Variants in FGL1 observed in about 807,000 individuals in gnomAD.
FGL1 encodes fibrinogen-like protein 1.
FGL1 carries 59 observed loss-of-function variants against 43.7 expected under a neutral mutation model. The ratio of observed to expected loss-of-function variants is 1.35; its 90% CI spans 1.10 to 1.68. FGL1 has a LOEUF of 1.68. Ranked by LOEUF, FGL1 falls within the 40% of genes most tolerant of loss-of-function variation. The pLI, the probability that FGL1 is intolerant of heterozygous loss-of-function variation, is 0.00. For synonymous variants in FGL1, 192 were observed against 126.5 expected (o/e 1.52, Z -3.48); for missense variants, 596 against 373.0 (o/e 1.60, Z -4.92).
At chr8:17,888,599 GTTTTCTTTTGT>G (rs2053662255) in intron 1 of FGL1, among the ~76,000 whole-genome samples, 1 of 152,046 alleles carries the variant, frequency 6.6e-6, no homozygotes, top group South Asian at 2.1e-4. Context: ...GTAGTTTCAT[GTTTTCTTTTGT>G]TTTTCTTTTT....
rs900927733 is a variant in FGL1, at chr8:17,894,358, A to G, written c.-18+1089T>C. Among the ~76,000 whole-genome samples the G allele has an allele frequency of 4.3e-4, 64 of 147,284 alleles. 10 individuals carry two copies. The highest frequency in any genetic ancestry group is 1.6e-3 in the African/African-American group (59 of 37,576). ...AAGTCAGTGAGTTAAAAATGTACCC[A>G]TAAACACAAGCTTAGAGACTCCTTT... On this transcript the variant is annotated intron_variant, in intron 1 of 7. Coordinates refer to ENST00000427924, the MANE Select transcript of FGL1 (RefSeq NM_004467.4).
intron 1 of FGL1, among the ~76,000 whole-genome samples, chr8:17,886,707 G>A (rs2053633516): frequency 6.6e-6 from 1 of 152,088 alleles, no homozygotes; most frequent in Non-Finnish European, 1.5e-5. Flanking sequence ...GCAGTGAGCC[G>A]AGATCGTGCC....
intron 2 of FGL1, among the ~76,000 whole-genome samples, chr8:17,883,118 A>ATATATATTG (rs2053569543): frequency 3.5e-5 from 1 of 28,302 alleles, no homozygotes; most frequent in Non-Finnish European, 6.9e-5. Flanking sequence ...AATATATATC[A>ATATATATTG]TATATAATAT....
In FGL1 at chr8:17,885,560, C is replaced by A; in HGVS notation, c.-6G>T. On this transcript the variant is annotated 5_prime_UTR_variant, in exon 2 of 8. Transcript: ENST00000427924. ...AAACTGAACACCTTTGCCATGTTCC[C>A]CCTTGAAAAAACTGCAAGAACAAAA... is the stretch of plus-strand genomic sequence containing the variant. The A allele has an allele frequency of 1.9e-6, 3 of 1,612,384 alleles. No homozygotes were observed. The highest frequency in any genetic ancestry group is 1.7e-6 in the Non-Finnish European group (2 of 1,179,224).
intron 3 of FGL1, among the ~76,000 whole-genome samples, chr8:17,880,380 C>A (rs1206709821): frequency 6.6e-6 from 1 of 152,220 alleles, no homozygotes; most frequent in South Asian, 2.1e-4. Flanking sequence ...TAGACTCTCA[C>A]AACTCCTATA....
rs531938353 is a variant in FGL1, at chr8:17,890,724, C to T, written c.-18+4723G>A. On this transcript the variant is annotated intron_variant, in intron 1 of 7. Transcript: ENST00000427924. ...CACAGTTTGCCATGACTGGGGAGGC[C>T]CCAGGAAACTTACAGTCGTGGTGGA... is the stretch of plus-strand genomic sequence containing the variant. 1.1e-3 allele frequency among the ~76,000 whole-genome samples: 166 copies of T among 152,142 alleles called. 1 individual carries two copies. The highest frequency in any genetic ancestry group is 1.7e-3 in the Non-Finnish European group (118 of 67,992).
chr8:17,874,118 TA>T lies in FGL1; in HGVS notation c.405-3del. 6.2e-7 allele frequency: 1 copy of T among 1,608,772 alleles called. No individual in the cohort carries two copies. On this transcript the variant is annotated splice_polypyrimidine_tract_variant and splice_region_variant and intron_variant, in intron 4 of 7. Transcript: ENST00000427924. Reference sequence around the variant, plus strand: ...CCATTTTCATAGTCTTTCCATCCTCTAAAAAAGGTAAAGTGGAAGCCGATTA... The same window carrying T: ...CCATTTTCATAGTCTTTCCATCCTCTAAAAAGGTAAAGTGGAAGCCGATTA...
At chr8:17,874,580 AG>A (rs2053417350) in intron 3 of FGL1, 59 bp from the exon 4 acceptor site, 2 of 1,397,994 alleles carry the variant, frequency 1.4e-6, no homozygotes, top group African/African-American at 2.9e-5. Context: ...CCCCCGCCTT[AG>A]GGAGCCTCTG....
chr8:17,870,581 C>G (rs1345023741), intron 5 of FGL1, among the ~76,000 whole-genome samples: 1 of 152,182 alleles, frequency 6.6e-6, no homozygotes, highest in Non-Finnish European at 1.5e-5. Context: ...GGCCTCTTCT[C>G]TCTTTCCATC....
At chr8:17,870,748 A>G (rs2053345872) in intron 5 of FGL1, among the ~76,000 whole-genome samples, 1 of 152,122 alleles carries the variant, frequency 6.6e-6, no homozygotes, top group South Asian at 2.1e-4. Flanking sequence ...TCTATTAAAA[A>G]TACAAAAATT....
At chr8:17,879,271 C>G (rs945447540) in intron 3 of FGL1, among the ~76,000 whole-genome samples, 11 of 151,880 alleles carry the variant, frequency 7.2e-5, no homozygotes, top group African/African-American at 2.2e-4. Context: ...CTGCTCTGAC[C>G]TTGGCATCGT....
intron 5 of FGL1, among the ~76,000 whole-genome samples, chr8:17,871,758 T>C (rs982573486): frequency 1.1e-4 from 16 of 152,200 alleles, no homozygotes; most frequent in South Asian, 2.1e-4. Flanking sequence ...TCTGGATTGA[T>C]GGGATACGTG....
intron 5 of FGL1, among the ~76,000 whole-genome samples, chr8:17,873,113 T>G (rs2053389954): frequency 6.6e-6 from 1 of 152,158 alleles, no homozygotes; most frequent in Admixed American, 6.5e-5. Flanking sequence ...TAGCACCAAT[T>G]GCCCAATTGT....
Position 17,870,260 on chromosome 8 carries a change from C to A in FGL1, c.503-1256G>T, listed in dbSNP as rs537522483. 2.6e-5 allele frequency among the ~76,000 whole-genome samples: 4 copies of A among 152,094 alleles called. No individual in the cohort carries two copies. The East Asian group carries it at 5.8e-4, about 22-fold the overall frequency. ...GTAAAAATTCTAGGCGATATAAGAG[C>A]ATTATGTTTTTAAAATGATTAAAAT... On this transcript the variant is annotated intron_variant, in intron 5 of 7. Coordinates refer to ENST00000427924, the MANE Select transcript of FGL1 (RefSeq NM_004467.4).
chr8:17,892,107 A>G (rs991227142), intron 1 of FGL1, among the ~76,000 whole-genome samples: 1 of 152,144 alleles, frequency 6.6e-6, no homozygotes, highest in East Asian at 1.9e-4. Flanking sequence ...TATAATAGCT[A>G]TGTTGCTTTT....
intron 7 of FGL1, among the ~76,000 whole-genome samples, chr8:17,867,454 C>T (rs985252529): frequency 5.9e-5 from 9 of 152,010 alleles, no homozygotes; most frequent in Non-Finnish European, 1.2e-4. Flanking sequence ...CTGTTTTTTC[C>T]TATAATATAC....
intron 1 of FGL1, among the ~76,000 whole-genome samples, chr8:17,886,394 A>G (rs969467893): frequency 1.3e-5 from 2 of 152,204 alleles, no homozygotes; most frequent in Non-Finnish European, 1.5e-5. Context: ...AAAGATGCGA[A>G]CTGACAAAGT....
At chr8:17,890,820 A>G (rs2053693724) in intron 1 of FGL1, among the ~76,000 whole-genome samples, 2 of 152,054 alleles carry the variant, frequency 1.3e-5, no homozygotes, top group Non-Finnish European at 2.9e-5. Context: ...CCCCTTATAA[A>G]ACCATCAGAT....
chr8:17,879,096 A>C (rs2053497973), intron 3 of FGL1, among the ~76,000 whole-genome samples: 1 of 151,456 alleles, frequency 6.6e-6, no homozygotes, highest in Non-Finnish European at 1.5e-5. Flanking sequence ...ATATTGTTTT[A>C]ATCTACTGAA....
Sources: allele counts gnomAD v4.1 joint callset (sites outside exome capture counted in the v4.1 genomes callset), GRCh38; gene constraint gnomAD v4.1.1; transcripts MANE v1.5; gene names NCBI Gene and HGNC (gene_info 2026-07-23, HGNC 2026-07-21).